Variants in PRPH observed in about 807,000 individuals in gnomAD.
PRPH encodes peripherin.
A neutral mutation model predicts 52.6 loss-of-function variants in PRPH; 48 were observed. That is an observed-to-expected ratio of 0.91 (90% CI 0.72 to 1.16). PRPH has a LOEUF of 1.16. Ranked by LOEUF, PRPH falls within the 50% of genes most tolerant of loss-of-function variation. The probability of loss-of-function intolerance (pLI) is 0.00; values close to 1 mark genes in which losing one functional copy is unlikely to be tolerated. For missense variants in PRPH, 579 were observed against 635.7 expected (o/e 0.91, Z 0.96); for synonymous variants, 279 against 283.8 (o/e 0.98, Z 0.17).
rs1045964323 is a variant in PRPH at position 49,298,098 on chromosome 12, C to T, written c.1347+61C>T. ...TTCCCATATTATTTCTGAGCCCCAG[C>T]CTGGCTGTCGCTAATCTTACTTAGG... On this transcript the variant is annotated intron_variant, in intron 8 of 8. Transcript: ENST00000257860. 4 of 1,576,570 alleles carry T rather than the reference C, an allele frequency of 2.5e-6. No individual in the cohort carries two copies. The Admixed American group carries it at 6.8e-5, about 27-fold the overall frequency.
At position 49,296,650 on chromosome 12, in the gene PRPH, A is replaced by C. The variant is rs1565658556; in HGVS notation, c.702+123A>C. The C allele has an allele frequency of 9.0e-7, 1 of 1,108,336 alleles. No individual in the cohort carries two copies. Among genetic ancestry groups the C allele is most frequent in the South Asian group, 1.3e-5 (1 of 75,262 alleles). 68.7% of individuals were successfully genotyped at this position (1,108,336 alleles called of 1,614,324 possible). ...GATGCTGGGTAGACGCAGCCCCTCC[A>C]CCCTAGTCTACAGGTGGTTAGACTC... On this transcript the variant is annotated intron_variant, in intron 3 of 8. Coordinates refer to ENST00000257860, the MANE Select transcript of PRPH (RefSeq NM_006262.4). This position sits in a 1 kb window ranked among gnomAD's most constrained non-coding sequence, Gnocchi z 5.1.
At chr12:49,298,165 C>G (rs1032684730) in intron 8 of PRPH, 123 bp from the exon 9 acceptor site, 37 of 1,465,454 alleles carry the variant, frequency 2.5e-5, no homozygotes, top group Non-Finnish European at 3.4e-5. Flanking sequence ...AGACAGAGAA[C>G]GTGGATAGAT....
At position 49,297,681 on chromosome 12, in the gene PRPH, T is replaced by A. The variant is rs1375285473; in HGVS notation, c.1222T>A (p.Ser408Thr). Residue 408 changes from serine (S) to threonine (T), a missense_variant, in exon 7 of 9, where the codon TCC becomes ACC. Coordinates refer to ENST00000257860, the MANE Select transcript of PRPH (RefSeq NM_006262.4). This position sits in a 1 kb window ranked among gnomAD's most constrained non-coding sequence, Gnocchi z 4.4. ...GACAACTTGCTTCGCCTCTAGGATC[T>A]CCGTGCCCGTCCATTCTTTTGCCTC... ...KLLEGEESRISVPVHSFASLN... is the reference protein window; with the variant it reads ...KLLEGEESRITVPVHSFASLN... 6.2e-7 allele frequency: 1 copy of A among 1,613,386 alleles called. No homozygotes were observed.
In PRPH at chr12:49,297,116, C is replaced by T. The variant is rs1432587387; in HGVS notation, c.871-32C>T. The T allele has an allele frequency of 1.2e-6, 2 of 1,613,788 alleles. No individual in the cohort carries two copies. The highest frequency in any genetic ancestry group is 1.3e-5 in the African/African-American group (1 of 74,904). On this transcript the variant is annotated intron_variant, in intron 4 of 8. Transcript: ENST00000257860. The surrounding 1 kb of genome is among the most constrained non-coding windows in gnomAD (Gnocchi z 4.4). ...CTGGGGTGGTGTCGCGCGTCCCAGC[C>T]GACTAAAGCCTGGGTTACCCCCACT...
rs1442352911 is a variant in PRPH, at chr12:49,295,566, C to T, written c.366C>T (p.Asn122=). Residue 122 remains asparagine (N), a synonymous_variant, in exon 1 of 9, where the codon AAC becomes AAT. Transcript: ENST00000257860. ...AGGTACGCTTTCTGGAGCAGCAGAA[C>T]GCGGCCCTGCGCGGGGAGCTGAGCC... ...IEKVRFLEQQ[N]AALRGELSQA... is the part of the protein sequence containing the mutation. 6.4e-7 allele frequency: 1 copy of T among 1,564,960 alleles called. No individual in the cohort carries two copies. Among genetic ancestry groups the T allele is most frequent in the Non-Finnish European group, 8.7e-7 (1 of 1,155,188 alleles).
In PRPH at chr12:49,298,038, G is replaced by A. The variant is rs1943213081; in HGVS notation, c.1347+1G>A. On this transcript the variant is annotated splice_donor_variant, in intron 8 of 8. Coordinates refer to ENST00000257860, the MANE Select transcript of PRPH (RefSeq NM_006262.4). LOFTEE classifies it high-confidence loss of function. ...GACCATTGAGACCCGGAATGGGGAG[G>A]TGAGGCAGGTCCCCTAATGCCAGGA... 6.2e-7 allele frequency: 1 copy of A among 1,613,742 alleles called. No individual in the cohort carries two copies. Among genetic ancestry groups the A allele is most frequent in the Non-Finnish European group, 8.5e-7 (1 of 1,179,656 alleles).
Position 49,297,319 on chromosome 12 carries a change from A to C in PRPH, c.997-38A>C. On this transcript the variant is annotated intron_variant, in intron 5 of 8. Coordinates refer to ENST00000257860, the MANE Select transcript of PRPH (RefSeq NM_006262.4). The surrounding 1 kb of genome is among the most constrained non-coding windows in gnomAD (Gnocchi z 4.4). ...TCGGGCCCGGGGAGCGGACGATGAA[A>C]TGTTCTGCAACTGGCCCCTTCCACT... is the stretch of plus-strand genomic sequence containing the variant. The C allele has an allele frequency of 2.5e-6, 4 of 1,613,644 alleles. No homozygotes were observed. Among genetic ancestry groups the C allele is most frequent in the Non-Finnish European group, 3.4e-6 (4 of 1,179,950 alleles).
chr12:49,298,004 T>G lies in PRPH; in HGVS notation c.1314T>G (p.Val438=), dbSNP rs1943212367. The G allele has an allele frequency of 6.2e-7, 1 of 1,614,094 alleles. No individual in the cohort carries two copies. The highest frequency in any genetic ancestry group is 1.3e-5 in the African/African-American group (1 of 74,934). Residue 438 remains valine, a synonymous_variant, in exon 8 of 9, where the codon GTT becomes GTG. Transcript: ENST00000257860. ...PPQDSHSRKT[V]LIKTIETRNG... ...AGGACAGCCACAGCCGGAAGACGGT[T>G]CTGATCAAGACCATTGAGACCCGGA... is the stretch of plus-strand genomic sequence containing the variant.
chr12:49,295,351 C>G lies in PRPH; in HGVS notation c.151C>G (p.Pro51Ala), dbSNP rs1390603435. The G allele has an allele frequency of 6.2e-7, 1 of 1,610,544 alleles. No homozygotes were observed. Among genetic ancestry groups the G allele is most frequent in the Non-Finnish European group, 8.5e-7 (1 of 1,179,260 alleles). Residue 51 changes from proline (P) to alanine (A), a missense_variant, in exon 1 of 9, where the codon CCG becomes GCG. Transcript: ENST00000257860. ...CAGCCGCCTGCTGGGCTCCGCGTCC[C>G]CGAGCTCCTCGGTGCGCCTGGGCAG... is the stretch of plus-strand genomic sequence containing the variant. Reference protein sequence around the residue: ...SSSRLLGSASPSSSVRLGSFR... With the variant: ...SSSRLLGSASASSSVRLGSFR...
chr12:49,298,158 CAG>C (rs1943214760), intron 8 of PRPH, 121 bp downstream of exon 8: 5 of 1,468,690 alleles, frequency 3.4e-6, no homozygotes, highest in Non-Finnish European at 4.7e-6. Flanking sequence ...GAGAAGGAGA[CAG>C]AGAACGTGGA....
Position 49,296,398 on chromosome 12 carries a change from A to C in PRPH, c.607-34A>C. On this transcript the variant is annotated intron_variant, in intron 2 of 8. Coordinates refer to ENST00000257860, the MANE Select transcript of PRPH (RefSeq NM_006262.4). The surrounding 1 kb of genome is among the most constrained non-coding windows in gnomAD (Gnocchi z 5.1). ...CCTTCCTTGGTCTGCGCAGCCCCTAACTTATCTTGAACCTCCACTGCCACC... is the reference window on the plus strand; with the variant it reads ...CCTTCCTTGGTCTGCGCAGCCCCTACCTTATCTTGAACCTCCACTGCCACC... 6.2e-7 allele frequency: 1 copy of C among 1,607,838 alleles called. No homozygotes were observed. The highest frequency in any genetic ancestry group is 8.5e-7 in the Non-Finnish European group (1 of 1,174,618).
At chr12:49,298,139 G>A (rs1372566812) in intron 8 of PRPH, 102 bp downstream of exon 8, 2 of 1,492,390 alleles carry the variant, frequency 1.3e-6, no homozygotes, top group East Asian at 2.3e-5. Flanking sequence ...TAATTCTTGG[G>A]GAGAGACAGA....
chr12:49,297,616 G>A lies in PRPH; in HGVS notation c.1217+39G>A. 1.2e-6 allele frequency: 2 copies of A among 1,609,818 alleles called. No homozygotes were observed. The highest frequency in any genetic ancestry group is 4.5e-5 in the East Asian group (2 of 44,826). ...TGCTGGGGCGGGGCAGGGCGGGGTC[G>A]GGACTGGGCCGGGCAGGGCGGGGCC... On this transcript the variant is annotated intron_variant, in intron 6 of 8. Coordinates refer to ENST00000257860, the MANE Select transcript of PRPH (RefSeq NM_006262.4). This position sits in a 1 kb window ranked among gnomAD's most constrained non-coding sequence, Gnocchi z 4.4.
chr12:49,298,233 G>A (rs955094357), intron 8 of PRPH, 55 bp from the exon 9 acceptor site: 1 of 1,606,162 alleles, frequency 6.2e-7, no homozygotes, highest in Non-Finnish European at 8.5e-7. Context: ...CAAAGGAGTA[G>A]GATGGAGGGT....
chr12:49,297,199 G>A lies in PRPH; in HGVS notation c.922G>A (p.Ala308Thr), dbSNP rs1484921082. The A allele has an allele frequency of 1.2e-6, 2 of 1,613,930 alleles. No individual in the cohort carries two copies. Among genetic ancestry groups the A allele is most frequent in the Non-Finnish European group, 1.7e-6 (2 of 1,180,000 alleles). The part of the protein sequence containing the change: ...ANRNHEALRQ[A>T]KQEMNESRRQ... ...CCGGAACCACGAGGCCCTGCGCCAGGCCAAGCAGGAGATGAACGAGTCCCG... is the reference window on the plus strand; with the variant it reads ...CCGGAACCACGAGGCCCTGCGCCAGACCAAGCAGGAGATGAACGAGTCCCG... Residue 308 changes from alanine (A) to threonine (T), a missense_variant, in exon 5 of 9, where the codon GCC (alanine) becomes ACC (threonine). Transcript: ENST00000257860. This position sits in a 1 kb window ranked among gnomAD's most constrained non-coding sequence, Gnocchi z 4.4.
In PRPH at chr12:49,296,371, G is replaced by C; in HGVS notation, c.607-61G>C. 1 of 1,585,938 alleles carries C rather than the reference G, an allele frequency of 6.3e-7. No individual in the cohort carries two copies. Among genetic ancestry groups the C allele is most frequent in the Non-Finnish European group, 8.7e-7 (1 of 1,155,882 alleles). ...TCCTGAGGCAGACAGGGAAGGCCTG[G>C]TCCTTCCTTGGTCTGCGCAGCCCCT... is the stretch of plus-strand genomic sequence containing the variant. On this transcript the variant is annotated intron_variant, in intron 2 of 8. Coordinates refer to ENST00000257860, the MANE Select transcript of PRPH (RefSeq NM_006262.4). The surrounding 1 kb of genome is among the most constrained non-coding windows in gnomAD (Gnocchi z 5.1).
chr12:49,298,112 A>C, intron 8 of PRPH, 75 bp downstream of exon 8: 1 of 1,550,816 alleles, frequency 6.4e-7, no homozygotes, highest in Non-Finnish European at 8.9e-7. Flanking sequence ...GCTGTCGCTA[A>C]TCTTACTTAG....
chr12:49,296,570 G>C lies in PRPH; in HGVS notation c.702+43G>C, dbSNP rs1471196848. On this transcript the variant is annotated intron_variant, in intron 3 of 8. Coordinates refer to ENST00000257860, the MANE Select transcript of PRPH (RefSeq NM_006262.4). This position sits in a 1 kb window ranked among gnomAD's most constrained non-coding sequence, Gnocchi z 5.1. ...CAGGGGCGGTTTCTGAGGTTGTGGG[G>C]TGGTCTCGCTGGAGCTGGCGGGTGG... The C allele has an allele frequency of 1.3e-6, 2 of 1,580,670 alleles. No individual in the cohort carries two copies. The highest frequency in any genetic ancestry group is 1.7e-6 in the Non-Finnish European group (2 of 1,152,142).
At position 49,296,220 on chromosome 12, in the gene PRPH, CCTCGTG is replaced by C; in HGVS notation, c.592_597del (p.Val198_Leu199del). On this transcript the variant is annotated inframe_deletion, in exon 2 of 9. Coordinates refer to ENST00000257860, the MANE Select transcript of PRPH (RefSeq NM_006262.4). This position sits in a 1 kb window ranked among gnomAD's most constrained non-coding sequence, Gnocchi z 5.1. ...GCAAGCGGGAGGACGCGGAGCACAACCTCGTGCTCTTCCGCAAGGTGAGTCCGAGCC... is the reference window on the plus strand; with the variant it reads ...GCAAGCGGGAGGACGCGGAGCACAACCTCTTCCGCAAGGTGAGTCCGAGCC... The C allele has an allele frequency of 6.2e-7, 1 of 1,613,284 alleles. No homozygotes were observed. The highest frequency in any genetic ancestry group is 2.2e-5 in the East Asian group (1 of 44,876).
Sources: gnomAD v4.1 joint callset for allele counts on GRCh38, gnomAD v4.1.1 for gene constraint, Gnocchi (gnomAD v3.1) non-coding constraint, MANE v1.5 for transcripts, NCBI Gene and HGNC (gene_info 2026-07-23, HGNC 2026-07-21) for gene names.